Variants in SEMA6D observed in about 807,000 individuals in gnomAD.
The protein encoded by SEMA6D is semaphorin-6D.
In SEMA6D, 35 loss-of-function variants were observed where a neutral mutation model predicts 106.6. The ratio of observed to expected loss-of-function variants is 0.33; its 90% confidence interval spans 0.25 to 0.44. SEMA6D has a LOEUF of 0.44. Ranked by LOEUF, SEMA6D falls within the 20% of genes least tolerant of loss-of-function variation. The pLI, the probability that SEMA6D is intolerant of heterozygous loss-of-function variation, is 1.00. For missense variants in SEMA6D, 1,185 were observed against 1,345.9 expected (o/e 0.88, Z 1.87); for synonymous variants, 499 against 487.7 (o/e 1.02, Z -0.31).
At chr15:47,526,619 G>C (rs2044764804) in intron 3 of SEMA6D, among the ~76,000 whole-genome samples, 1 of 152,204 alleles carries the variant, frequency 6.6e-6, no homozygotes, top group Non-Finnish European at 1.5e-5. Context: ...CATCATTATG[G>C]GGGTGGGCAG....
intron 4 of SEMA6D, among the ~76,000 whole-genome samples, chr15:47,672,802 A>G (rs2078163693): frequency 6.6e-6 from 1 of 152,224 alleles, no homozygotes; most frequent in African/African-American, 2.4e-5. Flanking sequence ...AATAATTAGC[A>G]TAATAATTCA....
chr15:47,188,375 T>C (rs1428234003), intron 1 of SEMA6D, among the ~76,000 whole-genome samples: 2 of 152,186 alleles, frequency 1.3e-5, no homozygotes, highest in Non-Finnish European at 2.9e-5. Context: ...TTATATTTCC[T>C]GTAACGTGAA....
chr15:47,268,530 C>G (rs939748329), intron 1 of SEMA6D, among the ~76,000 whole-genome samples: 1 of 152,076 alleles, frequency 6.6e-6, no homozygotes, highest in Admixed American at 6.6e-5. Flanking sequence ...GGGTTCAGAT[C>G]TTTCTTTTGA....
chr15:47,187,628 A>G (rs1237112674), intron 1 of SEMA6D, among the ~76,000 whole-genome samples: 1 of 152,156 alleles, frequency 6.6e-6, no homozygotes, highest in Non-Finnish European at 1.5e-5. Flanking sequence ...ACTATATACT[A>G]TCATTCATGC....
intron 1 of SEMA6D, among the ~76,000 whole-genome samples, chr15:47,371,064 A>G (rs2039255770): frequency 1.3e-5 from 2 of 152,198 alleles, no homozygotes; most frequent in Admixed American, 6.5e-5. Context: ...CAAATGAAAC[A>G]AGGAATGCCA....
chr15:47,541,334 G>A (rs193206774), intron 3 of SEMA6D, among the ~76,000 whole-genome samples: 12 of 152,164 alleles, frequency 7.9e-5, no homozygotes, highest in Admixed American at 7.9e-4. Flanking sequence ...CTACAAAGAC[G>A]ATATCAGCAT....
chr15:47,514,166 A>T (rs148542074), intron 3 of SEMA6D, among the ~76,000 whole-genome samples: 162 of 152,328 alleles, frequency 1.1e-3, no homozygotes, highest in African/African-American at 3.7e-3. Context: ...GCTTCCAGCA[A>T]AATTTGAGAA....
chr15:47,287,981 A>T (rs1370907791), intron 1 of SEMA6D, among the ~76,000 whole-genome samples: 1 of 152,162 alleles, frequency 6.6e-6, no homozygotes, highest in Non-Finnish European at 1.5e-5. Flanking sequence ...TGACAAAAGC[A>T]GGAGCAAAAG....
At chr15:47,665,203 T>G (rs2078002079) in intron 4 of SEMA6D, among the ~76,000 whole-genome samples, 1 of 152,210 alleles carries the variant, frequency 6.6e-6, no homozygotes, top group South Asian at 2.1e-4. Flanking sequence ...TATCAGCCCT[T>G]GAGTAGGAAG....
chr15:47,434,136 C>T (rs546323548), intron 2 of SEMA6D, among the ~76,000 whole-genome samples: 39 of 152,174 alleles, frequency 2.6e-4, no homozygotes, highest in Admixed American at 1.8e-3. Flanking sequence ...GAAAGAGAGT[C>T]AGTGTTATTA....
chr15:47,465,773 T>A (rs1394056768), intron 2 of SEMA6D, among the ~76,000 whole-genome samples: 2 of 152,154 alleles, frequency 1.3e-5, no homozygotes, highest in African/African-American at 4.8e-5. Context: ...GCTTCCTGTA[T>A]AGACTGCAGA....
chr15:47,238,879 A>G (rs1004461071), intron 1 of SEMA6D, among the ~76,000 whole-genome samples: 4 of 152,188 alleles, frequency 2.6e-5, no homozygotes, highest in Non-Finnish European at 4.4e-5. Context: ...ATTGACACTT[A>G]GGAATAAATA....
intron 1 of SEMA6D, among the ~76,000 whole-genome samples, chr15:47,197,806 T>C (rs55937836): frequency 0.015 from 2,277 of 152,318 alleles, 36 homozygotes; most frequent in Middle Eastern, 0.044. Context: ...TATTGCACTG[T>C]TTAATATATA....
rs1162496027 is a variant in SEMA6D at position 47,461,691 on chromosome 15, CATTCT to C, written c.-158-8779_-158-8775del. 3.3e-5 allele frequency among the ~76,000 whole-genome samples: 5 copies of C among 152,040 alleles called. No individual in the cohort carries two copies. In the East Asian group the frequency reaches 9.7e-4, roughly 29 times the overall value. Reference sequence around the variant, plus strand: ...AATTGCTTTCTGCTCTTCAATGAGTCATTCTATTTGGAATGGAAAATCTAGTCCTC... The same window carrying C: ...AATTGCTTTCTGCTCTTCAATGAGTCATTTGGAATGGAAAATCTAGTCCTC... On this transcript the variant is annotated intron_variant, in intron 2 of 19. Transcript: ENST00000558014.
intron 1 of SEMA6D, among the ~76,000 whole-genome samples, chr15:47,338,145 CA>C (rs2037648882): frequency 6.6e-6 from 1 of 152,114 alleles, no homozygotes; most frequent in Non-Finnish European, 1.5e-5. Context: ...GACACAGTAG[CA>C]ATTAAAATGT....
chr15:47,553,650 C>G (rs1226300145), intron 3 of SEMA6D, among the ~76,000 whole-genome samples: 1 of 152,068 alleles, frequency 6.6e-6, no homozygotes, highest in African/African-American at 2.4e-5. Flanking sequence ...AAGGTGCAAA[C>G]CAGGCTGTAT....
At chr15:47,675,103 T>C (rs1342533594) in intron 4 of SEMA6D, among the ~76,000 whole-genome samples, 1 of 152,184 alleles carries the variant, frequency 6.6e-6, no homozygotes, top group Non-Finnish European at 1.5e-5. Flanking sequence ...CACAAAAATG[T>C]TTCTGAGGTT....
At position 47,438,079 on chromosome 15, in the gene SEMA6D, A is replaced by G. The variant is rs114692141; in HGVS notation, c.-159+25607A>G. Among the ~76,000 whole-genome samples, 807 of 152,248 alleles carry G rather than the reference A, an allele frequency of 5.3e-3. 8 individuals are homozygous for G. The highest frequency in any genetic ancestry group is 0.019 in the African/African-American group (769 of 41,566). On this transcript the variant is annotated intron_variant, in intron 2 of 19. Coordinates refer to the SEMA6D transcript ENST00000558014. ...CTAAAGTGAATTTCCGATATTTCCCACAAAGGTTATTCAGCTTGTAGTATT... is the reference window on the plus strand; with the variant it reads ...CTAAAGTGAATTTCCGATATTTCCCGCAAAGGTTATTCAGCTTGTAGTATT...
At chr15:47,399,615 C>G (rs181990052) in intron 1 of SEMA6D, 14 of 152,284 alleles carry the variant, frequency 9.2e-5, no homozygotes, top group African/African-American at 3.1e-4. Flanking sequence ...CATTGTCAGC[C>G]GAGAGGAACT....
Sources: gnomAD v4.1 joint callset for allele counts (sites outside exome capture counted in the v4.1 genomes callset) on GRCh38, gnomAD v4.1.1 for gene constraint, MANE v1.5 for transcripts, NCBI Gene and HGNC (gene_info 2026-07-23, HGNC 2026-07-21) for gene names.